Variants in PRDM5 observed in about 807,000 individuals in gnomAD.
PRDM5 encodes PR domain zinc finger protein 5.
PRDM5 carries 56 observed loss-of-function variants against 81.2 expected under a neutral mutation model. That is an observed-to-expected ratio of 0.69 (90% CI 0.56 to 0.86). PRDM5 has a LOEUF of 0.86. PRDM5 is among the 40% of genes least tolerant of loss of function. The pLI is 0.00. For missense variants in PRDM5, 697 were observed against 770.1 expected (o/e 0.91, Z 1.12); for synonymous variants, 267 against 256.4 (o/e 1.04, Z -0.39).
Position 120,712,056 on chromosome 4 carries a change from C to T in PRDM5, c.1624-1643G>A, listed in dbSNP as rs143400409. Among the ~76,000 whole-genome samples, 1,428 of 152,124 alleles carry T rather than the reference C, an allele frequency of 9.4e-3. 18 individuals carry two copies. Among genetic ancestry groups the T allele is most frequent in the African/African-American group, 0.033 (1,354 of 41,500 alleles). ...ATCCTAGCACTTTGGGAGGCCAAGG[C>T]GGACGAATTATCTGAGGTCAGCAGT... On this transcript the variant is annotated intron_variant, in intron 14 of 15. Coordinates refer to ENST00000264808, the MANE Select transcript of PRDM5 (RefSeq NM_018699.4).
chr4:120,829,870 A>G (rs1756496515), intron 3 of PRDM5, among the ~76,000 whole-genome samples: 1 of 152,076 alleles, frequency 6.6e-6, no homozygotes, highest in African/African-American at 2.4e-5. Flanking sequence ...AGGAAAAAAA[A>G]AGTCTCTGGA....
intron 8 of PRDM5, among the ~76,000 whole-genome samples, chr4:120,807,693 G>T (rs1180731284): frequency 6.6e-6 from 1 of 152,238 alleles, no homozygotes; most frequent in Non-Finnish European, 1.5e-5. Flanking sequence ...CTTAAAGGCG[G>T]TGTGTCCGGA....
At position 120,907,567 on chromosome 4, in the gene PRDM5, A is replaced by C. The variant is rs886059045; in HGVS notation, c.94-10T>G. On this transcript the variant is annotated splice_polypyrimidine_tract_variant and intron_variant, in intron 1 of 15. Transcript: ENST00000264808. ...GTCCGAACTTTTCACCCTGAGTAGC[A>C]ATGATTATATTGAACAAGGATTAGT... is the stretch of plus-strand genomic sequence containing the variant. 6.3e-7 allele frequency: 1 copy of C among 1,592,618 alleles called. No homozygotes were observed. Among genetic ancestry groups the C allele is most frequent in the Admixed American group, 1.7e-5 (1 of 59,988 alleles).
intron 3 of PRDM5, among the ~76,000 whole-genome samples, chr4:120,842,526 C>T (rs910731038): frequency 2.0e-5 from 3 of 152,160 alleles, no homozygotes; most frequent in African/African-American, 7.2e-5. Context: ...ATAACTGACA[C>T]AAATGCCACT....
chr4:120,882,137 C>T (rs1450472), intron 2 of PRDM5, among the ~76,000 whole-genome samples: 37,188 of 152,090 alleles, frequency 0.24, 5,137 homozygotes, highest in African/African-American at 0.36. Context: ...TAAAGTTGCA[C>T]TGCAGAAAAG....
intron 13 of PRDM5, among the ~76,000 whole-genome samples, chr4:120,766,560 A>G (rs528559560): frequency 6.6e-6 from 1 of 152,324 alleles, no homozygotes; most frequent in Admixed American, 6.5e-5. Context: ...ACAAGAAAAT[A>G]TTGTCAAACA....
chr4:120,862,560 C>A (rs1042644430), intron 2 of PRDM5, among the ~76,000 whole-genome samples: 2 of 152,170 alleles, frequency 1.3e-5, no homozygotes, highest in African/African-American at 4.8e-5. Flanking sequence ...ACCTAGCAGG[C>A]CTGAGACTGC....
chr4:120,745,437 T>C (rs1329313656), intron 14 of PRDM5, among the ~76,000 whole-genome samples: 1 of 147,548 alleles, frequency 6.8e-6, no homozygotes, highest in African/African-American at 2.5e-5. Context: ...GCCAGGGCAG[T>C]TAGGCAGGAG....
downstream of PRDM5, among the ~76,000 whole-genome samples, chr4:120,688,237 T>C (rs1733907320): frequency 1.3e-5 from 2 of 151,218 alleles, no homozygotes; most frequent in South Asian, 4.2e-4. Flanking sequence ...ATTAGTAATG[T>C]TGAACATGTT....
At chr4:120,856,107 G>C (rs1243870025) in intron 2 of PRDM5, among the ~76,000 whole-genome samples, 1 of 152,050 alleles carries the variant, frequency 6.6e-6, no homozygotes, top group Admixed American at 6.6e-5. Flanking sequence ...CCCCAACTAT[G>C]TTCAATTATT....
intron 14 of PRDM5, among the ~76,000 whole-genome samples, chr4:120,747,403 G>A (rs985362269): frequency 1.3e-5 from 2 of 151,746 alleles, no homozygotes; most frequent in Non-Finnish European, 2.9e-5. Context: ...CTTGCACAAT[G>A]TGCACATGTA....
chr4:120,687,612 T>G (rs933191426), downstream of PRDM5, among the ~76,000 whole-genome samples: 40 of 152,142 alleles, frequency 2.6e-4, no homozygotes, highest in Admixed American at 2.6e-3. Flanking sequence ...GAAATCCAGT[T>G]CTCAATTCTT....
chr4:120,778,574 CTATCATATT>C (rs2149231045), intron 12 of PRDM5, among the ~76,000 whole-genome samples: 1 of 152,102 alleles, frequency 6.6e-6, no homozygotes, highest in East Asian at 1.9e-4. Flanking sequence ...TGGATATGTA[CTATCATATT>C]TATAATTTTT....
At chr4:120,815,486 G>A (rs1473738160) in intron 7 of PRDM5, among the ~76,000 whole-genome samples, 1 of 152,180 alleles carries the variant, frequency 6.6e-6, no homozygotes, top group African/African-American at 2.4e-5. Context: ...GCTAGCAGTT[G>A]TTCACGCTAG....
At chr4:120,784,927 A>G (rs775467347) in intron 11 of PRDM5, 71 bp downstream of exon 11, 48 of 1,238,566 alleles carry the variant, frequency 3.9e-5, no homozygotes, top group Admixed American at 1.7e-4. Context: ...GGATGTCTAC[A>G]TTCTCAAAGG....
At chr4:120,794,552 C>A (rs867727300) in intron 10 of PRDM5, among the ~76,000 whole-genome samples, 1 of 127,302 alleles carries the variant, frequency 7.9e-6, no homozygotes, top group African/African-American at 2.7e-5. Context: ...CACACACACA[C>A]ACACACATAC....
chr4:120,858,686 C>G (rs574255468), intron 2 of PRDM5, among the ~76,000 whole-genome samples: 50 of 152,260 alleles, frequency 3.3e-4, no homozygotes, highest in Middle Eastern at 3.4e-3. Flanking sequence ...TCTGGTAATC[C>G]TAACCCATGG....
chr4:120,874,492 A>T (rs1349375276), intron 2 of PRDM5, among the ~76,000 whole-genome samples: 1 of 152,220 alleles, frequency 6.6e-6, no homozygotes, highest in Non-Finnish European at 1.5e-5. Context: ...CAAATGAAAC[A>T]TTCAGCTTAA....
intron 14 of PRDM5, among the ~76,000 whole-genome samples, chr4:120,751,191 G>T (rs1355512636): frequency 6.6e-6 from 1 of 152,060 alleles, no homozygotes; most frequent in South Asian, 2.1e-4. Context: ...ATACAGGAAT[G>T]AGCCACTGTG....
Sources: allele counts gnomAD v4.1 joint callset (sites outside exome capture counted in the v4.1 genomes callset), GRCh38; gene constraint gnomAD v4.1.1; transcripts MANE v1.5; gene names NCBI Gene and HGNC (gene_info 2026-07-23, HGNC 2026-07-21).